TBC1D32: variants seen among roughly 807,000 people sequenced by gnomAD.
The protein encoded by TBC1D32 is protein broad-minded.
TBC1D32 carries 151 observed loss-of-function variants against 170.3 expected under a neutral mutation model. The ratio of observed to expected loss-of-function variants is 0.89; its 90% CI spans 0.78 to 1.01. The LOEUF is 1.01. Ranked by LOEUF, TBC1D32 falls within the 50% of genes least tolerant of loss-of-function variation. The pLI is 0.00. For synonymous variants in TBC1D32, 498 were observed against 488.0 expected (o/e 1.02, Z -0.27); for missense variants, 1,464 against 1,457.1 (o/e 1.00, Z -0.08).
In TBC1D32 at chr6:121,292,012, T is replaced by G. The variant is rs531404886; in HGVS notation, c.1372+41A>C. 74 of 1,517,218 alleles carry G rather than the reference T, an allele frequency of 4.9e-5. 1 individual carries two copies. Among genetic ancestry groups the G allele is most frequent in the Non-Finnish European group, 3.5e-6 (4 of 1,127,808 alleles). 94.0% of individuals were successfully genotyped at this position (1,517,218 alleles called of 1,614,324 possible). A position where few individuals can be genotyped will look rare whatever the true frequency, so the allele number is the denominator to read the frequency against. ...TGAATACTCCACCATATATAAATCT[T>G]AGCATATCTTAACAAATTTATTTCT... On this transcript the variant is annotated intron_variant, in intron 12 of 31. Coordinates refer to ENST00000398212, the MANE Select transcript of TBC1D32 (RefSeq NM_152730.6).
chr6:121,085,883 G>A (rs1776224428), intron 31 of TBC1D32, among the ~76,000 whole-genome samples: 1 of 151,978 alleles, frequency 6.6e-6, no homozygotes, highest in Non-Finnish European at 1.5e-5. Context: ...GGTTAATGAG[G>A]GAATAGGTCC....
chr6:121,224,577 T>C (rs1360682030), intron 20 of TBC1D32: 4 of 152,130 alleles, frequency 2.6e-5, no homozygotes, highest in Non-Finnish European at 5.9e-5. Flanking sequence ...AGAAAGTTGG[T>C]AGCAAAAATA....
chr6:121,174,853 A>C (rs539882171), intron 22 of TBC1D32, among the ~76,000 whole-genome samples: 71 of 152,024 alleles, frequency 4.7e-4, no homozygotes, highest in Non-Finnish European at 9.6e-4. Flanking sequence ...CAACATAGCA[A>C]AACCTGTCTC....
chr6:121,117,072 C>T (rs1030052580), intron 26 of TBC1D32, among the ~76,000 whole-genome samples: 5 of 152,114 alleles, frequency 3.3e-5, no homozygotes, highest in African/African-American at 1.2e-4. Context: ...AAGGCCTCTA[C>T]AGCTTATTTG....
chr6:121,105,735 A>G (rs1329963247), intron 30 of TBC1D32, among the ~76,000 whole-genome samples: 1 of 152,008 alleles, frequency 6.6e-6, no homozygotes, highest in Non-Finnish European at 1.5e-5. Flanking sequence ...CTGTTACCTC[A>G]GTTAATCACT....
chr6:121,284,861 C>T (rs1803554712), intron 12 of TBC1D32, among the ~76,000 whole-genome samples: 1 of 151,976 alleles, frequency 6.6e-6, no homozygotes, highest in Non-Finnish European at 1.5e-5. Flanking sequence ...CAACAGTATC[C>T]TATAAAATAA....
At chr6:121,271,615 G>GA (rs1801442067) in intron 15 of TBC1D32, among the ~76,000 whole-genome samples, 1 of 151,978 alleles carries the variant, frequency 6.6e-6, no homozygotes. Flanking sequence ...AATAAAAGAG[G>GA]ACACAAACAA....
rs953562899 is a variant in TBC1D32, at chr6:121,115,200, G to A, written c.3025C>T (p.Gln1009Ter). ...NVKNESLSSV[Q>*]QLGIKMTVRY... ...ACAGTCATTTTAATGCCAAGCTGCTGCACAGATGAAAGACTTTCATTCTTC... is the reference window on the plus strand; with the variant it reads ...ACAGTCATTTTAATGCCAAGCTGCTACACAGATGAAAGACTTTCATTCTTC... The change falls in exon 27 of 32, where the codon CAG becomes TAG. Residue 1009 changes from glutamine to a stop codon, truncating the protein, a stop_gained. Transcript: ENST00000398212. LOFTEE classifies it high-confidence loss of function. The A allele has an allele frequency of 1.9e-6, 3 of 1,602,506 alleles. No homozygotes were observed. The highest frequency in any genetic ancestry group is 2.6e-6 in the Non-Finnish European group (3 of 1,173,156).
At chr6:121,258,195 A>G (rs1799296214) in intron 15 of TBC1D32, among the ~76,000 whole-genome samples, 1 of 152,160 alleles carries the variant, frequency 6.6e-6, no homozygotes, top group Non-Finnish European at 1.5e-5. Flanking sequence ...ATAATTATGT[A>G]TAATAATTTC....
intron 3 of TBC1D32, among the ~76,000 whole-genome samples, chr6:121,316,803 T>C (rs116008394): frequency 0.014 from 2,109 of 152,152 alleles, 43 homozygotes; most frequent in African/African-American, 0.048. Flanking sequence ...CCCTGTGGTA[T>C]AGCTAATTAG....
chr6:121,277,333 C>T (rs1458634028), intron 15 of TBC1D32, among the ~76,000 whole-genome samples: 1 of 151,430 alleles, frequency 6.6e-6, no homozygotes, highest in East Asian at 1.9e-4. Context: ...AACAAAAATA[C>T]AAAAATTAGC....
chr6:121,329,673 A>T (rs563756568), intron 1 of TBC1D32, among the ~76,000 whole-genome samples: 2 of 152,170 alleles, frequency 1.3e-5, no homozygotes, highest in African/African-American at 2.4e-5. Flanking sequence ...AATAAATAAA[A>T]TAAAAAAATA....
At chr6:121,275,525 A>C (rs539328728) in intron 15 of TBC1D32, among the ~76,000 whole-genome samples, 1 of 152,332 alleles carries the variant, frequency 6.6e-6, no homozygotes, top group East Asian at 1.9e-4. Flanking sequence ...TGAAATATGA[A>C]TCAAATAAGT....
At chr6:121,234,350 T>G (rs1796091778) in intron 20 of TBC1D32, among the ~76,000 whole-genome samples, 1 of 152,150 alleles carries the variant, frequency 6.6e-6, no homozygotes, top group Non-Finnish European at 1.5e-5. Context: ...GAACACCAAT[T>G]ATTCTTAGGC....
intron 15 of TBC1D32, among the ~76,000 whole-genome samples, chr6:121,269,166 T>G (rs1800985201): frequency 6.6e-6 from 1 of 152,132 alleles, no homozygotes; most frequent in Non-Finnish European, 1.5e-5. Context: ...ACATGCCAAC[T>G]TGTACAGACC....
rs1781460172 is a variant in TBC1D32 at position 121,131,725 on chromosome 6, C to T, written c.2801G>A (p.Cys934Tyr). 6.2e-7 allele frequency: 1 copy of T among 1,603,766 alleles called. No individual in the cohort carries two copies. Among genetic ancestry groups the T allele is most frequent in the African/African-American group, 1.3e-5 (1 of 74,788 alleles). Reference protein sequence around the residue: ...QDNDLDKLLLCLKISDKQTEW... With the variant: ...QDNDLDKLLLYLKISDKQTEW... Reference sequence around the variant, plus strand: ...AGTTTGTTTATCAGATATTTTGAGGCATAATAAAAGCTTGTCAAGATCATT... The same window carrying T: ...AGTTTGTTTATCAGATATTTTGAGGTATAATAAAAGCTTGTCAAGATCATT... The change falls in exon 25 of 32, where the codon TGC (cysteine) becomes TAC (tyrosine). Residue 934 changes from cysteine to tyrosine, a missense_variant. Around this residue, in one of 3 missense-constraint regions of TBC1D32, gnomAD observed 1,363 missense variants for 1,338.1 expected, o/e 1.02. Transcript: ENST00000398212.
intron 30 of TBC1D32, among the ~76,000 whole-genome samples, chr6:121,104,351 G>A (rs1181234763): frequency 6.6e-6 from 1 of 151,528 alleles, no homozygotes. Context: ...AAAGAAATGA[G>A]ATAAAATTCA....
intron 19 of TBC1D32, among the ~76,000 whole-genome samples, chr6:121,240,583 G>A (rs1194617480): frequency 6.6e-6 from 1 of 151,596 alleles, no homozygotes; most frequent in African/African-American, 2.4e-5. Flanking sequence ...TCAGAGCTCA[G>A]ATAACCTTAA....
At chr6:121,107,075 T>C (rs1778767748) in intron 29 of TBC1D32, among the ~76,000 whole-genome samples, 1 of 151,958 alleles carries the variant, frequency 6.6e-6, no homozygotes, top group Non-Finnish European at 1.5e-5. Flanking sequence ...CTGAAGACTT[T>C]ACATAGTTAA....
Sources: allele counts gnomAD v4.1 joint callset (sites outside exome capture counted in the v4.1 genomes callset), GRCh38; gene constraint gnomAD v4.1.1; regional missense constraint gnomAD v4.1.1; transcripts MANE v1.5; gene names NCBI Gene and HGNC (gene_info 2026-07-23, HGNC 2026-07-21).